ARHGAP26: variants seen among roughly 807,000 people sequenced by gnomAD.
ARHGAP26 encodes the protein rho GTPase-activating protein 26.
A neutral mutation model predicts 104.8 loss-of-function variants in ARHGAP26; 38 were observed. The ratio of observed to expected loss-of-function variants is 0.36; its 90% CI spans 0.28 to 0.48. The LOEUF (loss-of-function observed/expected upper bound fraction) is 0.48, where lower values mean the gene tolerates loss of function less well. ARHGAP26 is among the 20% of genes least tolerant of loss of function. The pLI, the probability that ARHGAP26 is intolerant of heterozygous loss-of-function variation, is 0.99. For synonymous variants in ARHGAP26, 341 were observed against 340.0 expected (o/e 1.00, Z -0.03); for missense variants, 704 against 947.9 (o/e 0.74, Z 3.38).
At chr5:142,943,118 G>A (rs1464114877) in intron 11 of ARHGAP26, among the ~76,000 whole-genome samples, 1 of 152,146 alleles carries the variant, frequency 6.6e-6, no homozygotes, top group East Asian at 1.9e-4. Flanking sequence ...CACGTGTGTT[G>A]TTTTTTTGTT....
rs138992221 is a variant in ARHGAP26, at chr5:142,789,643, G to C, written c.154+18728G>C. Among the ~76,000 whole-genome samples the C allele has an allele frequency of 1.8e-3, 276 of 152,268 alleles. 2 individuals carry two copies. The highest frequency in any genetic ancestry group is 6.4e-3 in the African/African-American group (267 of 41,540). On this transcript the variant is annotated intron_variant, in intron 1 of 22. Coordinates refer to ENST00000645722, the MANE Select transcript of ARHGAP26 (RefSeq NM_001135608.3). ...TTATTTATATAATTGTTTGTGTTAA[G>C]GACTGATCTCCATTCGCTGGTCATG...
chr5:143,096,967 G>A (rs945456314), intron 17 of ARHGAP26, among the ~76,000 whole-genome samples: 7 of 152,150 alleles, frequency 4.6e-5, no homozygotes, highest in Admixed American at 3.9e-4. Context: ...TGTCTGGGCC[G>A]GGTGCGGTGG....
At chr5:143,054,860 CT>C (rs1785568204) in intron 15 of ARHGAP26, among the ~76,000 whole-genome samples, 1 of 152,038 alleles carries the variant, frequency 6.6e-6, no homozygotes. Context: ...CATGAATCAT[CT>C]TCTGTTAAGA....
intron 1 of ARHGAP26, among the ~76,000 whole-genome samples, chr5:142,784,098 G>C (rs1443760158): frequency 6.6e-6 from 1 of 152,216 alleles, no homozygotes; most frequent in African/African-American, 2.4e-5. Context: ...TCTGACCGAA[G>C]CTGCCCAGAG....
intron 1 of ARHGAP26, among the ~76,000 whole-genome samples, chr5:142,790,581 G>A (rs556082175): frequency 4.0e-5 from 6 of 150,774 alleles, no homozygotes; most frequent in Admixed American, 6.6e-5. Flanking sequence ...CATACAGTTC[G>A]GACACCTTAC....
At chr5:143,150,510 A>C (rs1799715390) in intron 20 of ARHGAP26, among the ~76,000 whole-genome samples, 1 of 152,190 alleles carries the variant, frequency 6.6e-6, no homozygotes, top group Non-Finnish European at 1.5e-5. Flanking sequence ...ACTTAGGTGG[A>C]TGGATGAAGA....
intron 5 of ARHGAP26, among the ~76,000 whole-genome samples, chr5:142,885,704 T>G (rs939630663): frequency 6.6e-6 from 1 of 152,212 alleles, no homozygotes; most frequent in Non-Finnish European, 1.5e-5. Flanking sequence ...TTTCTTTTCC[T>G]GTTTCTCTCA....
At chr5:142,786,654 ATTTTTTTTT>A (rs70991779) in intron 1 of ARHGAP26, among the ~76,000 whole-genome samples, 3 of 104,448 alleles carry the variant, frequency 2.9e-5, no homozygotes, top group East Asian at 3.0e-4. Flanking sequence ...GAGTTCTAGA[ATTTTTTTTT>A]TTTTTTTTTT....
chr5:142,880,475 G>A (rs570397189), intron 4 of ARHGAP26, among the ~76,000 whole-genome samples: 6 of 151,458 alleles, frequency 4.0e-5, no homozygotes, highest in East Asian at 1.9e-4. Context: ...CCGAGATCGC[G>A]CCACTGACTG....
chr5:142,858,042 TGAGA>T (rs376522081), intron 1 of ARHGAP26, among the ~76,000 whole-genome samples: 14 of 134,250 alleles, frequency 1.0e-4, no homozygotes, highest in South Asian at 2.4e-4. Flanking sequence ...AGAGAAGGAA[TGAGA>T]GAGAGAGAGA....
chr5:143,010,285 A>G (rs1273665847), intron 11 of ARHGAP26, among the ~76,000 whole-genome samples: 1 of 152,232 alleles, frequency 6.6e-6, no homozygotes, highest in Non-Finnish European at 1.5e-5. Flanking sequence ...TAGAGGCAAG[A>G]TAGAATAGTA....
intron 17 of ARHGAP26, among the ~76,000 whole-genome samples, chr5:143,082,223 C>T (rs1662885090): frequency 6.6e-6 from 1 of 152,016 alleles, no homozygotes; most frequent in Admixed American, 6.6e-5. Flanking sequence ...ACACTTGTCC[C>T]ACCCCCCAAG....
intron 17 of ARHGAP26, among the ~76,000 whole-genome samples, chr5:143,100,867 G>T (rs1446492916): frequency 6.6e-6 from 1 of 152,218 alleles, no homozygotes; most frequent in Non-Finnish European, 1.5e-5. Flanking sequence ...AATGCGGGAG[G>T]ATCACTTAAG....
chr5:143,036,298 CA>C (rs1438130150), intron 12 of ARHGAP26, among the ~76,000 whole-genome samples: 1 of 152,084 alleles, frequency 6.6e-6, no homozygotes, highest in African/African-American at 2.4e-5. Flanking sequence ...ACCGGGTAAC[CA>C]AAACATGGGG....
intron 11 of ARHGAP26, among the ~76,000 whole-genome samples, chr5:142,960,761 C>G (rs960250527): frequency 1.3e-5 from 2 of 152,234 alleles, no homozygotes; most frequent in African/African-American, 4.8e-5. Flanking sequence ...GAATAAATCC[C>G]AGACCTCTGG....
intron 17 of ARHGAP26, among the ~76,000 whole-genome samples, 166 bp from the exon 18 acceptor site, chr5:143,120,822 G>A (rs930296419): frequency 6.6e-6 from 1 of 152,184 alleles, no homozygotes; most frequent in Non-Finnish European, 1.5e-5. Flanking sequence ...GAAGATTTCT[G>A]AAATGTGGTA....
chr5:142,864,530 T>G (rs567259374), intron 1 of ARHGAP26, among the ~76,000 whole-genome samples: 2 of 152,306 alleles, frequency 1.3e-5, no homozygotes, highest in South Asian at 4.1e-4. Context: ...AGAAAACCCT[T>G]AGGAACTCAG....
At chr5:143,052,320 A>C (rs191440024) in intron 14 of ARHGAP26, among the ~76,000 whole-genome samples, 2 of 152,178 alleles carry the variant, frequency 1.3e-5, no homozygotes, top group African/African-American at 2.4e-5. Flanking sequence ...AAATACAAAA[A>C]TTAGCTGGGC....
chr5:143,160,119 G>A (rs1801026571), intron 20 of ARHGAP26, among the ~76,000 whole-genome samples: 1 of 150,754 alleles, frequency 6.6e-6, no homozygotes, highest in South Asian at 2.1e-4. Flanking sequence ...GAGTGCAGTG[G>A]TGCAATCTCG....
Sources: allele counts gnomAD v4.1 joint callset (sites outside exome capture counted in the v4.1 genomes callset), GRCh38; gene constraint gnomAD v4.1.1; transcripts MANE v1.5; gene names NCBI Gene and HGNC (gene_info 2026-07-23, HGNC 2026-07-21).